The following RBM20 variants were observed in gnomAD, a reference collection of about 807,000 sequenced individuals.
The protein encoded by RBM20 is RNA-binding protein 20.
Under a neutral mutation model 110.1 loss-of-function variants are expected in RBM20, and 51 were observed. That is an observed-to-expected ratio of 0.46 (90% CI 0.37 to 0.59). RBM20 has a LOEUF of 0.59. Among genes scored for constraint, RBM20 ranks in the 20% least tolerant of loss-of-function variants. The pLI, the probability that RBM20 is intolerant of heterozygous loss-of-function variation, is 0.00. For missense variants in RBM20, 1,512 were observed against 1,574.9 expected, an observed-to-expected ratio of 0.96 and a Z score of 0.68; for synonymous variants, 589 against 618.2, an observed-to-expected ratio of 0.95 and a Z score of 0.70.
chr10:110,781,560 C>T lies in RBM20; in HGVS notation c.951C>T (p.Ser317=), dbSNP rs1262533261. The T allele has an allele frequency of 1.9e-6, 3 of 1,551,606 alleles. No homozygotes were observed. The highest frequency in any genetic ancestry group is 2.6e-6 in the Non-Finnish European group (3 of 1,147,022). ...GGCCACTGCTGCAGGGCACAAACAG[C>T]CAATGGGAGAGCCCCCATGGATTCT... ...EVGPLLQGTN[S]QWESPHGFSG... Residue 317 remains serine, a synonymous_variant, in exon 2 of 14, where the codon AGC becomes AGT. Coordinates refer to ENST00000369519, the MANE Select transcript of RBM20 (RefSeq NM_001134363.3).
intron 1 of RBM20, among the ~76,000 whole-genome samples, chr10:110,661,226 T>C (rs1213769401): frequency 6.6e-6 from 1 of 152,234 alleles, no homozygotes; most frequent in Non-Finnish European, 1.5e-5. Flanking sequence ...AGTTTTGTGA[T>C]TCAGGAAACT....
intron 1 of RBM20, among the ~76,000 whole-genome samples, chr10:110,757,240 T>C (rs1843933802): frequency 6.6e-6 from 1 of 152,242 alleles, no homozygotes. Flanking sequence ...TATTCCTCTA[T>C]GTTGCTGAAT....
chr10:110,765,964 A>G (rs1403419804), intron 1 of RBM20, among the ~76,000 whole-genome samples: 2 of 152,212 alleles, frequency 1.3e-5, no homozygotes, highest in East Asian at 1.9e-4. Flanking sequence ...GTGGAATTTG[A>G]TATTTCGAAT....
At chr10:110,787,505 C>T (rs933515378) in intron 5 of RBM20, among the ~76,000 whole-genome samples, 57 of 152,196 alleles carry the variant, frequency 3.7e-4, no homozygotes, top group Admixed American at 2.9e-3. Flanking sequence ...GGATTTTGTC[C>T]GAGTCTTGGT....
intron 1 of RBM20, among the ~76,000 whole-genome samples, chr10:110,651,648 C>T (rs187901916): frequency 2.0e-4 from 30 of 152,304 alleles, no homozygotes; most frequent in African/African-American, 6.5e-4. Flanking sequence ...GACCCACAAA[C>T]GTTTTACAGG....
intron 1 of RBM20, among the ~76,000 whole-genome samples, chr10:110,741,564 A>G (rs1843725589): frequency 2.0e-5 from 3 of 152,018 alleles, no homozygotes; most frequent in Admixed American, 2.0e-4. Context: ...TCCACTCACC[A>G]AGTTCTGCCA....
At chr10:110,666,532 G>A (rs1862181827) in intron 1 of RBM20, among the ~76,000 whole-genome samples, 1 of 152,180 alleles carries the variant, frequency 6.6e-6, no homozygotes, top group Non-Finnish European at 1.5e-5. Context: ...TGTAGCCCCA[G>A]CTACTCAGGA....
chr10:110,780,620 GTTT>G (rs34363441), intron 1 of RBM20, among the ~76,000 whole-genome samples, 178 bp from the exon 2 acceptor site: 158 of 140,904 alleles, frequency 1.1e-3, no homozygotes, highest in Middle Eastern at 3.7e-3. Flanking sequence ...TTCCATTGGA[GTTT>G]TTTTTTTTTT....
intron 1 of RBM20, among the ~76,000 whole-genome samples, chr10:110,745,803 A>G (rs978624448): frequency 2.6e-5 from 4 of 152,222 alleles, no homozygotes; most frequent in East Asian, 3.9e-4. Flanking sequence ...AGTATGCCGT[A>G]TATTCAAAAT....
chr10:110,744,742 T>G (rs868317), intron 1 of RBM20, among the ~76,000 whole-genome samples: 2,199 of 152,304 alleles, frequency 0.014, 62 homozygotes, highest in Admixed American at 0.065. Context: ...AAATAAGAAA[T>G]CTAAAGATAT....
chr10:110,725,383 G>A (rs776009572), intron 1 of RBM20, among the ~76,000 whole-genome samples: 3 of 152,052 alleles, frequency 2.0e-5, no homozygotes, highest in Non-Finnish European at 2.9e-5. Flanking sequence ...CGCCTGTTTC[G>A]GTGCTTGTTC....
intron 1 of RBM20, among the ~76,000 whole-genome samples, chr10:110,672,284 GT>G (rs1862272594): frequency 6.6e-6 from 1 of 152,218 alleles, no homozygotes. Flanking sequence ...GCACTTGTCA[GT>G]TTATGGCTCC....
intron 1 of RBM20, among the ~76,000 whole-genome samples, chr10:110,712,658 TC>T (rs1201002076): frequency 6.6e-6 from 1 of 152,182 alleles, no homozygotes; most frequent in East Asian, 1.9e-4. Context: ...TCCCAGCTAC[TC>T]GGGAGGCTGA....
intron 1 of RBM20, among the ~76,000 whole-genome samples, chr10:110,709,917 C>T (rs918107302): frequency 1.3e-5 from 2 of 152,006 alleles, no homozygotes; most frequent in Non-Finnish European, 2.9e-5. Context: ...AAGTCAGAAC[C>T]CATTAGAGAT....
intron 7 of RBM20, 64 bp from the exon 8 acceptor site, chr10:110,810,319 C>T: frequency 4.1e-6 from 5 of 1,232,524 alleles, no homozygotes; most frequent in Non-Finnish European, 5.8e-6. Flanking sequence ...CAGGTCAGAG[C>T]TGCTTCCCTC....
At chr10:110,704,731 T>C (rs1590627369) in intron 1 of RBM20, among the ~76,000 whole-genome samples, 1 of 152,196 alleles carries the variant, frequency 6.6e-6, no homozygotes, top group Non-Finnish European at 1.5e-5. Context: ...GAAGAGCCAT[T>C]AGACTGTGTG....
At chr10:110,726,757 C>G (rs908470878) in intron 1 of RBM20, among the ~76,000 whole-genome samples, 5 of 152,174 alleles carry the variant, frequency 3.3e-5, no homozygotes, top group African/African-American at 9.6e-5. Flanking sequence ...TGGTTATAAT[C>G]AAAGTTATGG....
chr10:110,804,400 G>A (rs547515801), intron 7 of RBM20, among the ~76,000 whole-genome samples: 78 of 152,310 alleles, frequency 5.1e-4, no homozygotes, highest in African/African-American at 1.8e-3. Context: ...TGCATATGAG[G>A]TCCCACCAGG....
rs1303972543 is a variant in RBM20, at chr10:110,767,664, G to C, written c.192-13137G>C. Among the ~76,000 whole-genome samples the C allele has an allele frequency of 5.3e-5, 8 of 151,884 alleles. No homozygotes were observed. The East Asian group carries it at 1.4e-3, about 26-fold the overall frequency. ...ACCTCCCAGACGGGGTCACGGCCGG[G>C]TAGAGGCGCTCCTCACATCCCAGAC... On this transcript the variant is annotated intron_variant, in intron 1 of 13. Transcript: ENST00000369519.
Sources: gnomAD v4.1 joint callset for allele counts (sites outside exome capture counted in the v4.1 genomes callset) on GRCh38, gnomAD v4.1.1 for gene constraint, MANE v1.5 for transcripts, NCBI Gene and HGNC (gene_info 2026-07-23, HGNC 2026-07-21) for gene names.